Variants in RXFP2 observed in about 807,000 individuals in gnomAD.
RXFP2 encodes relaxin receptor 2.
Under a neutral mutation model 88.6 loss-of-function variants are expected in RXFP2, and 68 were observed. That is an observed-to-expected ratio of 0.77 (90% CI 0.63 to 0.94). The LOEUF (loss-of-function observed/expected upper bound fraction) is 0.94. Among genes scored for constraint, RXFP2 ranks in the 40% least tolerant of loss-of-function variants. RXFP2 has a pLI of 0.00. For synonymous variants in RXFP2, 329 were observed against 306.8 expected, an observed-to-expected ratio of 1.07 and a Z score of -0.76; for missense variants, 791 against 893.9, an observed-to-expected ratio of 0.88 and a Z score of 1.47.
At chr13:31,755,747 G>A (rs1335027177) in intron 1 of RXFP2, among the ~76,000 whole-genome samples, 1 of 152,204 alleles carries the variant, frequency 6.6e-6, no homozygotes, top group Non-Finnish European at 1.5e-5. Flanking sequence ...CAGTGGAGAA[G>A]TCTTCCTAAA....
Position 31,797,384 on chromosome 13 carries a change from T to C in RXFP2, c.1970T>C (p.Val657Ala), listed in dbSNP as rs769060144. The part of the protein sequence containing the change: ...DAICWIPVFV[V>A]KILSLFRVEI... ...ATCTGCTGGATTCCTGTATTTGTAG[T>C]TAAAATCCTTTCCCTCTTCCGGGTG... is the stretch of plus-strand genomic sequence containing the variant. The change falls in exon 17 of 18, where the codon GTT becomes GCT. Residue 657 changes from valine (V) to alanine (A), a missense_variant. Physicochemically the swap from Val to Ala is moderately conservative, Grantham distance 64. Coordinates refer to ENST00000298386, the MANE Select transcript of RXFP2 (RefSeq NM_130806.5). The C allele has an allele frequency of 6.8e-6, 11 of 1,614,126 alleles. No homozygotes were observed. In the South Asian group the frequency reaches 1.1e-4, roughly 16 times the overall value.
Position 31,792,835 on chromosome 13 carries a change from G to C in RXFP2, c.1533G>C (p.Leu511=). Residue 511 remains leucine (L), a synonymous_variant, in exon 16 of 18, where the codon CTG becomes CTC. Transcript: ENST00000298386. ...TGCTGTCCACCGAAGTCTCTGTTCTGCTACTGACCTACTTGACTTTGGAGA... is the reference window on the plus strand; with the variant it reads ...TGCTGTCCACCGAAGTCTCTGTTCTCCTACTGACCTACTTGACTTTGGAGA... ...LAMLSTEVSV[L]LLTYLTLEKF... 1 of 1,614,142 alleles carries C rather than the reference G, an allele frequency of 6.2e-7. No homozygotes were observed. The highest frequency in any genetic ancestry group is 1.3e-5 in the African/African-American group (1 of 75,018).
intron 6 of RXFP2, among the ~76,000 whole-genome samples, chr13:31,775,062 A>G (rs77581797): frequency 6.6e-6 from 1 of 152,174 alleles, no homozygotes; most frequent in East Asian, 1.9e-4. Context: ...TACCCTTACA[A>G]TCTAACATGA....
At chr13:31,792,083 T>C (rs371328627) in intron 15 of RXFP2, 48 bp downstream of exon 15, 15 of 1,313,294 alleles carry the variant, frequency 1.1e-5, no homozygotes, top group Non-Finnish European at 1.6e-5. Context: ...TTCTGTGAGT[T>C]GTGCACTAGA....
intron 1 of RXFP2, among the ~76,000 whole-genome samples, chr13:31,741,649 C>T (rs1024081356): frequency 2.0e-4 from 31 of 152,156 alleles, no homozygotes; most frequent in African/African-American, 7.5e-4. Context: ...ACCATCATCA[C>T]TCTGGAGTGC....
chr13:31,799,821 A>G (rs905284346), intron 17 of RXFP2, among the ~76,000 whole-genome samples: 4 of 152,194 alleles, frequency 2.6e-5, no homozygotes, highest in African/African-American at 9.6e-5. Context: ...TCAAAGTGTC[A>G]GCAGGTTTGA....
At chr13:31,769,181 T>C (rs919908662) in intron 5 of RXFP2, among the ~76,000 whole-genome samples, 2 of 152,152 alleles carry the variant, frequency 1.3e-5, no homozygotes, top group African/African-American at 4.8e-5. Context: ...AAGTTTAAAA[T>C]ATATAATTTG....
At chr13:31,761,890 C>A in intron 3 of RXFP2, 89 bp downstream of exon 3, 1 of 896,154 alleles carries the variant, frequency 1.1e-6, no homozygotes, top group Non-Finnish European at 1.8e-6. Context: ...TGACAAATTC[C>A]CTTCAGAATT....
intron 1 of RXFP2, among the ~76,000 whole-genome samples, chr13:31,740,619 A>G (rs1036079857): frequency 2.0e-5 from 3 of 152,040 alleles, no homozygotes; most frequent in Non-Finnish European, 4.4e-5. Flanking sequence ...AATAAAATGC[A>G]ATACTTATGA....
chr13:31,771,164 A>G (rs1365858489), intron 5 of RXFP2, among the ~76,000 whole-genome samples: 7 of 152,222 alleles, frequency 4.6e-5, no homozygotes, highest in Non-Finnish European at 1.5e-5. Flanking sequence ...TATGTGTTTT[A>G]GACTGTATTG....
chr13:31,777,243 A>T, intron 7 of RXFP2, 133 bp from the exon 8 acceptor site: 1 of 667,110 alleles, frequency 1.5e-6, no homozygotes, highest in East Asian at 2.7e-5. Flanking sequence ...GACGGAAGGA[A>T]AAGCTCTCAG....
intron 5 of RXFP2, among the ~76,000 whole-genome samples, chr13:31,769,382 C>A (rs138864532): frequency 1.2e-4 from 18 of 152,138 alleles, no homozygotes; most frequent in Admixed American, 5.2e-4. Context: ...CTTCTACATA[C>A]GTCTACAGGT....
In RXFP2 at chr13:31,754,391, C is replaced by T. The variant is rs190734571; in HGVS notation, c.95-3867C>T. 3.2e-3 allele frequency among the ~76,000 whole-genome samples: 493 copies of T among 152,088 alleles called. 5 individuals carry two copies. The highest frequency in any genetic ancestry group is 0.011 in the African/African-American group (464 of 41,470). On this transcript the variant is annotated intron_variant, in intron 1 of 17. Transcript: ENST00000298386. The stretch of plus-strand genomic sequence containing the variant: ...ACTAAATATACAAAAAATAGCCGGG[C>T]GTGGTGGCGTGTGTCTGTAGTCCCA...
At chr13:31,761,829 T>C (rs771127707) in intron 3 of RXFP2, 28 bp downstream of exon 3, 3 of 1,464,498 alleles carry the variant, frequency 2.0e-6, no homozygotes, top group Admixed American at 3.3e-5. Context: ...AAAGACAGTA[T>C]CAGCTTTGTG....
intron 5 of RXFP2, 79 bp downstream of exon 5, chr13:31,766,106 T>C (rs1357771050): frequency 2.6e-6 from 2 of 759,986 alleles, no homozygotes; most frequent in Non-Finnish European, 4.7e-6. Context: ...AAAAATAAAA[T>C]ATTGTTTGTT....
intron 1 of RXFP2, among the ~76,000 whole-genome samples, chr13:31,751,681 GAGA>G (rs1218812961): frequency 6.6e-6 from 1 of 152,192 alleles, no homozygotes; most frequent in African/African-American, 2.4e-5. Context: ...CAATGAATCA[GAGA>G]AGAATTAAAA....
At chr13:31,746,847 A>G (rs1346117150) in intron 1 of RXFP2, among the ~76,000 whole-genome samples, 1 of 152,076 alleles carries the variant, frequency 6.6e-6, no homozygotes, top group African/African-American at 2.4e-5. Context: ...TGTAGAAGAC[A>G]CTGATTCTCT....
intron 14 of RXFP2, among the ~76,000 whole-genome samples, 172 bp downstream of exon 14, chr13:31,789,365 G>T (rs559811479): frequency 6.6e-6 from 1 of 152,246 alleles, no homozygotes; most frequent in South Asian, 2.1e-4. Flanking sequence ...TCAATATTAT[G>T]ATGTGCCGAC....
intron 5 of RXFP2, among the ~76,000 whole-genome samples, chr13:31,773,546 C>A (rs146533002): frequency 6.6e-6 from 1 of 151,618 alleles, no homozygotes; most frequent in Non-Finnish European, 1.5e-5. Flanking sequence ...AGTAAATATT[C>A]ATTTGTACCC....
Sources: gnomAD v4.1 joint callset for allele counts (sites outside exome capture counted in the v4.1 genomes callset) on GRCh38, gnomAD v4.1.1 for gene constraint, MANE v1.5 for transcripts, NCBI Gene and HGNC (gene_info 2026-07-23, HGNC 2026-07-21) for gene names.